Variants in CHODL observed in about 807,000 individuals in gnomAD.
The protein encoded by CHODL is transmembrane protein MT75.
Under a neutral mutation model 34.5 loss-of-function variants are expected in CHODL, and 29 were observed. The observed-to-expected ratio is 0.84, with a 90% CI of 0.63 to 1.15. The LOEUF (loss-of-function observed/expected upper bound fraction) is 1.15. CHODL is among the 50% of genes most tolerant of loss of function. The pLI, the probability that CHODL is intolerant of heterozygous loss-of-function variation, is 0.00. For synonymous variants in CHODL, 125 were observed against 116.1 expected (o/e 1.08, Z -0.49); for missense variants, 332 against 332.5 (o/e 1.00, Z 0.01).
At chr21:17,964,626 G>C (rs1459091434) in intron 1 of CHODL, among the ~76,000 whole-genome samples, 1 of 152,168 alleles carries the variant, frequency 6.6e-6, no homozygotes, top group Non-Finnish European at 1.5e-5. Context: ...GTTTCTAACA[G>C]GTTAAGGATT....
chr21:18,089,294 G>A lies in CHODL; in HGVS notation c.-45+61323G>A, dbSNP rs182271583. Among the ~76,000 whole-genome samples, 73 of 151,460 alleles carry A rather than the reference G, an allele frequency of 4.8e-4. 1 individual carries two copies. The highest frequency in any genetic ancestry group is 3.4e-3 in the Middle Eastern group (1 of 292). On this transcript the variant is annotated intron_variant, in intron 2 of 6. Transcript: ENST00000400127. ...TCTCTTATCTTTCTTTTATTTTCTCGTTATTTTTGAATATATAGATATTAT... is the reference window on the plus strand; with the variant it reads ...TCTCTTATCTTTCTTTTATTTTCTCATTATTTTTGAATATATAGATATTAT...
At chr21:18,040,182 A>G (rs1441678555) in intron 2 of CHODL, among the ~76,000 whole-genome samples, 1 of 151,928 alleles carries the variant, frequency 6.6e-6, no homozygotes, top group African/African-American at 2.4e-5. Flanking sequence ...ACAAAGTAGC[A>G]TGGTCATGCA....
intron 1 of CHODL, among the ~76,000 whole-genome samples, chr21:18,012,510 A>C (rs570327759): frequency 6.6e-6 from 1 of 152,348 alleles, no homozygotes; most frequent in East Asian, 1.9e-4. Context: ...AGAAGTATAA[A>C]ATAACTGGAA....
intron 2 of CHODL, among the ~76,000 whole-genome samples, chr21:18,172,872 T>C (rs2073248878): frequency 6.6e-6 from 1 of 152,154 alleles, no homozygotes. Context: ...TCTGAAAAGC[T>C]GAAATCAGGG....
At chr21:18,212,508 A>G (rs867860297) in intron 2 of CHODL, among the ~76,000 whole-genome samples, 14 of 152,134 alleles carry the variant, frequency 9.2e-5, no homozygotes, top group Admixed American at 8.5e-4. Context: ...ATTATATATT[A>G]TTTAAATTTC....
chr21:18,029,497 TA>T (rs2064222332), intron 2 of CHODL, among the ~76,000 whole-genome samples: 2 of 152,186 alleles, frequency 1.3e-5, no homozygotes, highest in African/African-American at 4.8e-5. Context: ...ATCAAAATAG[TA>T]ATCTTTACTT....
intron 2 of CHODL, among the ~76,000 whole-genome samples, chr21:18,128,096 C>G (rs1404719005): frequency 1.3e-5 from 2 of 151,248 alleles, no homozygotes; most frequent in East Asian, 1.9e-4. Context: ...GTCAGGATAT[C>G]GAGACCATCC....
intron 2 of CHODL, among the ~76,000 whole-genome samples, chr21:18,029,356 T>C (rs2146437345): frequency 6.6e-6 from 1 of 152,274 alleles, no homozygotes; most frequent in African/African-American, 2.4e-5. Context: ...ATGTCTGACA[T>C]TGTTTGAATA....
chr21:18,225,745 GA>G (rs1359017350), intron 2 of CHODL, among the ~76,000 whole-genome samples: 4 of 151,954 alleles, frequency 2.6e-5, no homozygotes, highest in Non-Finnish European at 2.9e-5. Context: ...TAATAAAAAT[GA>G]GCTTTTTTTG....
chr21:18,213,397 A>G (rs912530432), intron 2 of CHODL, among the ~76,000 whole-genome samples: 3 of 152,110 alleles, frequency 2.0e-5, no homozygotes, highest in Non-Finnish European at 4.4e-5. Context: ...TATTTAGTAT[A>G]CACCAACTAA....
intron 1 of CHODL, among the ~76,000 whole-genome samples, chr21:18,017,543 T>G (rs1242711582): frequency 1.3e-5 from 2 of 152,218 alleles, no homozygotes; most frequent in Non-Finnish European, 2.9e-5. Context: ...CTGTGTGGTG[T>G]TAAGCCTGTA....
At chr21:17,960,654 G>A (rs1010159171) in intron 1 of CHODL, among the ~76,000 whole-genome samples, 10 of 152,082 alleles carry the variant, frequency 6.6e-5, no homozygotes, top group African/African-American at 1.9e-4. Context: ...CTCAAATTTG[G>A]TGTTTTTCAG....
At chr21:18,170,943 C>T (rs909544163) in intron 2 of CHODL, among the ~76,000 whole-genome samples, 2 of 151,738 alleles carry the variant, frequency 1.3e-5, no homozygotes, top group Non-Finnish European at 2.9e-5. Flanking sequence ...TAGTGTTTGT[C>T]GTAGGGCAGT....
intron 2 of CHODL, among the ~76,000 whole-genome samples, chr21:18,129,495 A>G (rs1376088987): frequency 6.6e-6 from 1 of 152,216 alleles, no homozygotes; most frequent in African/African-American, 2.4e-5. Context: ...ATGTGATGCA[A>G]GAGCCGCAGA....
At chr21:18,151,332 A>G (rs756754489) in intron 2 of CHODL, among the ~76,000 whole-genome samples, 2 of 152,014 alleles carry the variant, frequency 1.3e-5, no homozygotes, top group Non-Finnish European at 2.9e-5. Context: ...CCTATCCAGC[A>G]AAGTTTCCCT....
chr21:18,151,428 A>C (rs2072967271), intron 2 of CHODL, among the ~76,000 whole-genome samples: 1 of 152,362 alleles, frequency 6.6e-6, no homozygotes, highest in East Asian at 1.9e-4. Context: ...CAGGGAAGGC[A>C]TGAAAGCTCT....
intron 2 of CHODL, among the ~76,000 whole-genome samples, chr21:18,216,185 G>A (rs970355179): frequency 2.0e-5 from 3 of 151,784 alleles, no homozygotes; most frequent in Admixed American, 6.6e-5. Context: ...TATGGGGTAC[G>A]TGTAATATTT....
chr21:17,984,968 T>A (rs963773664), intron 1 of CHODL, among the ~76,000 whole-genome samples: 3 of 152,156 alleles, frequency 2.0e-5, no homozygotes, highest in Non-Finnish European at 4.4e-5. Context: ...ATCGCAATAT[T>A]ATAACTTCAC....
intron 1 of CHODL, among the ~76,000 whole-genome samples, chr21:18,003,136 C>CA (rs148355768): frequency 0.046 from 6,431 of 140,910 alleles, 447 homozygotes; most frequent in African/African-American, 0.15. Context: ...AAAAAAAAAA[C>CA]AAAAAAAAAA....
Sources: allele counts gnomAD v4.1 joint callset (sites outside exome capture counted in the v4.1 genomes callset), GRCh38; gene constraint gnomAD v4.1.1; transcripts MANE v1.5; gene names NCBI Gene and HGNC (gene_info 2026-07-23, HGNC 2026-07-21).